ANK2: variants seen among roughly 807,000 people sequenced by gnomAD.
ANK2 encodes the protein ankyrin-2.
ANK2 carries 83 observed loss-of-function variants against 360.5 expected under a neutral mutation model. The ratio of observed to expected loss-of-function variants is 0.23; its 90% CI spans 0.19 to 0.28. The LOEUF is 0.28. Ranked by LOEUF, ANK2 falls within the 10% of genes least tolerant of loss-of-function variation. The pLI is 1.00. For synonymous variants in ANK2, 1,740 were observed against 1,759.5 expected (o/e 0.99, Z 0.28); for missense variants, 4,201 against 4,795.7 (o/e 0.88, Z 3.66).
chr4:113,336,490 A>G, intron 30 of ANK2, 87 bp from the exon 31 acceptor site: 2 of 1,266,078 alleles, frequency 1.6e-6, no homozygotes, highest in Non-Finnish European at 2.2e-6. Flanking sequence ...TACTTTGGGG[A>G]AGAAATTTGA....
chr4:113,326,182 A>ACCTG (rs1184798196), intron 26 of ANK2, among the ~76,000 whole-genome samples: 1 of 152,152 alleles, frequency 6.6e-6, no homozygotes, highest in Non-Finnish European at 1.5e-5. Flanking sequence ...GTGGTAGAAT[A>ACCTG]CCTGTCTCCT....
intron 1 of ANK2, among the ~76,000 whole-genome samples, chr4:112,866,871 C>T (rs1191995885): frequency 6.6e-6 from 1 of 152,098 alleles, no homozygotes; most frequent in Non-Finnish European, 1.5e-5. Context: ...TAGTCTTACT[C>T]TGTGTCCGAC....
chr4:113,316,142 G>T lies in ANK2; in HGVS notation c.2694-1565G>T, dbSNP rs1454847200. Among the ~76,000 whole-genome samples the T allele has an allele frequency of 2.0e-5, 3 of 152,166 alleles. No homozygotes were observed. In the East Asian group the frequency reaches 5.8e-4, roughly 29 times the overall value. On this transcript the variant is annotated intron_variant, in intron 24 of 45. Coordinates refer to ENST00000357077, the MANE Select transcript of ANK2 (RefSeq NM_001148.6). ...AATTGCTGGAGCTAAAACTCTTGTT[G>T]ATGAAATTACTAAGGCTCTGTCAAG... is the stretch of plus-strand genomic sequence containing the variant.
chr4:112,830,377 C>A (rs2149658658), intron 1 of ANK2, among the ~76,000 whole-genome samples: 1 of 152,286 alleles, frequency 6.6e-6, no homozygotes, highest in South Asian at 2.1e-4. Flanking sequence ...GGCCATTATC[C>A]TAAGCAAATT....
chr4:113,064,651 C>T (rs367975294), intron 1 of ANK2, among the ~76,000 whole-genome samples: 19 of 152,134 alleles, frequency 1.2e-4, no homozygotes, highest in Non-Finnish European at 2.4e-4. Flanking sequence ...AAGTATGGCC[C>T]GTGTTGTTCT....
intron 1 of ANK2, among the ~76,000 whole-genome samples, chr4:113,137,238 A>G (rs1006141396): frequency 6.6e-6 from 1 of 152,262 alleles, no homozygotes; most frequent in Non-Finnish European, 1.5e-5. Flanking sequence ...ATTGAAACAG[A>G]GCAAAGCTAG....
chr4:113,117,732 CAGA>C (rs2094961288), intron 1 of ANK2, among the ~76,000 whole-genome samples: 2 of 152,138 alleles, frequency 1.3e-5, no homozygotes, highest in African/African-American at 4.8e-5. Context: ...GTACTGGGCA[CAGA>C]AGAAGGAAGG....
At chr4:112,776,761 G>T in the ANK2 span, among the ~76,000 whole-genome samples, 123 of 152,288 alleles carry the variant, frequency 8.1e-4, no homozygotes, top group Middle Eastern at 3.4e-3. Context: ...TGCATATTAA[G>T]TAGGCATCTA....
At chr4:112,729,117 T>G in the ANK2 span, among the ~76,000 whole-genome samples, 2,589 of 152,124 alleles carry the variant, frequency 0.017, 44 homozygotes, top group South Asian at 0.031. Context: ...GAGGATAGCT[T>G]GAGTTCCAAT....
chr4:112,879,178 G>A (rs370978227), intron 1 of ANK2, among the ~76,000 whole-genome samples: 10 of 152,270 alleles, frequency 6.6e-5, no homozygotes, highest in African/African-American at 2.4e-4. Flanking sequence ...CCAGCTCTTG[G>A]TACATTATTC....
At chr4:113,106,954 C>G (rs754728924) in intron 1 of ANK2, 3 of 529,366 alleles carry the variant, frequency 5.7e-6, no homozygotes, top group Non-Finnish European at 1.2e-5. Flanking sequence ...TTTAAAAGAA[C>G]CTATTACAGA....
At chr4:113,287,507 GATATTTTCA>G (rs1317498964) in intron 18 of ANK2, 89 bp from the exon 19 acceptor site, 9 of 987,390 alleles carry the variant, frequency 9.1e-6, no homozygotes, top group East Asian at 5.3e-5. Context: ...AGTTTTCCAG[GATATTTTCA>G]ATATTTTCAA....
At chr4:113,135,433 G>T (rs528484797) in intron 1 of ANK2, among the ~76,000 whole-genome samples, 1 of 152,068 alleles carries the variant, frequency 6.6e-6, no homozygotes, top group South Asian at 2.1e-4. Context: ...AAGCTCTACA[G>T]GTGGAAAGAG....
intron 2 of ANK2, among the ~76,000 whole-genome samples, chr4:112,909,799 G>T (rs10016549): frequency 0.014 from 2,135 of 152,266 alleles, 53 homozygotes; most frequent in African/African-American, 0.048. Flanking sequence ...ATTGGTATCT[G>T]ATAAAAGTGA....
intron 1 of ANK2, among the ~76,000 whole-genome samples, chr4:112,852,126 C>T (rs139830664): frequency 5.6e-4 from 86 of 152,320 alleles, no homozygotes; most frequent in African/African-American, 2.0e-3. Context: ...AAGTCTTCCT[C>T]TATTGCTCTA....
chr4:113,369,256 CTG>C (rs1224424846), intron 42 of ANK2, among the ~76,000 whole-genome samples: 1 of 152,150 alleles, frequency 6.6e-6, no homozygotes, highest in Non-Finnish European at 1.5e-5. Flanking sequence ...GGTTGGGTAA[CTG>C]TAATACATTT....
In ANK2 at chr4:113,357,327, A is replaced by G. The variant is rs773207797; in HGVS notation, c.8709A>G (p.Arg2903=). 1 of 1,614,048 alleles carries G rather than the reference A, an allele frequency of 6.2e-7. No individual in the cohort carries two copies. Among genetic ancestry groups the G allele is most frequent in the Non-Finnish European group, 8.5e-7 (1 of 1,179,966 alleles). Residue 2903 remains arginine (R), a synonymous_variant, in exon 38 of 46, where the codon AGA becomes AGG. Transcript: ENST00000357077. The part of the protein sequence containing the change: ...QDSSITTQTD[R]FSMDVPVSDL... Reference sequence around the variant, plus strand: ...CATCCATTACTACTCAAACAGATAGATTTTCCATGGATGTTCCCGTGTCTG... The same window carrying G: ...CATCCATTACTACTCAAACAGATAGGTTTTCCATGGATGTTCCCGTGTCTG...
the ANK2 span, among the ~76,000 whole-genome samples, chr4:112,778,462 G>A: frequency 0.018 from 2,703 of 152,240 alleles, 92 homozygotes; most frequent in African/African-American, 0.059. Flanking sequence ...ATGAACCACC[G>A]CAGCTGGCCC....
chr4:113,292,022 T>C (rs2067938750), intron 20 of ANK2, among the ~76,000 whole-genome samples: 1 of 152,222 alleles, frequency 6.6e-6, no homozygotes, highest in Admixed American at 6.5e-5. Flanking sequence ...ATTTTAACTC[T>C]TGTTTCCCAG....
Sources: gnomAD v4.1 joint callset for allele counts (sites outside exome capture counted in the v4.1 genomes callset) on GRCh38, gnomAD v4.1.1 for gene constraint, MANE v1.5 for transcripts, NCBI Gene and HGNC (gene_info 2026-07-23, HGNC 2026-07-21) for gene names.